TENM3: variants seen among roughly 807,000 people sequenced by gnomAD.
TENM3 encodes teneurin transmembrane protein 3.
TENM3 carries 63 observed loss-of-function variants against 255.1 expected under a neutral mutation model. That is an observed-to-expected ratio of 0.25 (90% CI 0.20 to 0.30). The LOEUF (loss-of-function observed/expected upper bound fraction) is 0.30. Ranked by LOEUF, TENM3 falls within the 10% of genes least tolerant of loss-of-function variation. TENM3 has a pLI of 1.00. For missense variants in TENM3, 2,929 were observed against 3,461.1 expected (o/e 0.85, Z 3.86); for synonymous variants, 1,306 against 1,322.3 (o/e 0.99, Z 0.27).
chr4:181,947,573 T>G, the TENM3 span, among the ~76,000 whole-genome samples: 1 of 152,210 alleles, frequency 6.6e-6, no homozygotes, highest in Non-Finnish European at 1.5e-5. Context: ...TCTTTATGTA[T>G]TAAACGTCTC....
chr4:181,497,231 T>C, the TENM3 span, among the ~76,000 whole-genome samples: 1 of 152,132 alleles, frequency 6.6e-6, no homozygotes, highest in African/African-American at 2.4e-5. Flanking sequence ...ATATGTTCAT[T>C]GTTACTCAAT....
chr4:182,768,781 TA>T (rs1008192702), intron 22 of TENM3, among the ~76,000 whole-genome samples: 2 of 152,060 alleles, frequency 1.3e-5, no homozygotes, highest in Non-Finnish European at 1.5e-5. Context: ...AACAAACAGA[TA>T]AACATCAAAT....
chr4:182,628,867 A>G lies in TENM3; in HGVS notation c.966A>G (p.Ala322=). Residue 322 remains alanine, a synonymous_variant, in exon 5 of 28, where the codon GCA becomes GCG. Coordinates refer to ENST00000511685, the MANE Select transcript of TENM3 (RefSeq NM_001080477.4). ...CCGTAGGGGTCTCGGTGCTCCTGGC[A>G]ATACTCCTGTCTTATTTTATAGGTA... ...LCAVGVSVLL[A]ILLSYFIAMH... The G allele has an allele frequency of 6.2e-7, 1 of 1,601,890 alleles. No individual in the cohort carries two copies. Among genetic ancestry groups the G allele is most frequent in the Non-Finnish European group, 8.5e-7 (1 of 1,172,930 alleles).
chr4:182,302,723 C>T (rs1277637137), intron 1 of TENM3, among the ~76,000 whole-genome samples: 1 of 152,172 alleles, frequency 6.6e-6, no homozygotes, highest in Non-Finnish European at 1.5e-5. Flanking sequence ...GCTTTCTTAA[C>T]ATTCAGAATG....
In TENM3 at chr4:182,600,914, T is replaced by C. The variant is rs1285158961; in HGVS notation, c.512-10T>C. The C allele has an allele frequency of 7.3e-7, 1 of 1,362,998 alleles. No individual in the cohort carries two copies. The highest frequency in any genetic ancestry group is 1.5e-5 in the African/African-American group (1 of 66,734). The allele number at this position is 1,362,998 out of a possible 1,614,324, so 84.4% of individuals were successfully genotyped here. A position where few individuals can be genotyped will look rare whatever the true frequency, so the allele number is the denominator to read the frequency against. On this transcript the variant is annotated splice_polypyrimidine_tract_variant and intron_variant, in intron 3 of 27. Transcript: ENST00000511685. ...TTCTCTTTCTTTTTTTTTTTTTTTT[T>C]TTTTTTCAGAGCAACCTGCAAGCAA...
intron 1 of TENM3, among the ~76,000 whole-genome samples, chr4:182,219,782 C>G (rs532883192): frequency 3.4e-4 from 52 of 152,302 alleles, no homozygotes; most frequent in African/African-American, 1.2e-3. Flanking sequence ...ACATTGCAAA[C>G]TCATGCAAAT....
At chr4:181,824,435 G>C in the TENM3 span, among the ~76,000 whole-genome samples, 1 of 152,014 alleles carries the variant, frequency 6.6e-6, no homozygotes, top group African/African-American at 2.4e-5. Flanking sequence ...AAGTATGCTG[G>C]TCCAATATGC....
chr4:182,741,718 C>A (rs962662494), intron 18 of TENM3, among the ~76,000 whole-genome samples: 7 of 152,140 alleles, frequency 4.6e-5, no homozygotes, highest in Non-Finnish European at 8.8e-5. Flanking sequence ...TATGATCCAG[C>A]CTTATTTAGC....
the TENM3 span, among the ~76,000 whole-genome samples, chr4:181,981,036 C>T: frequency 6.6e-6 from 1 of 152,098 alleles, no homozygotes; most frequent in Non-Finnish European, 1.5e-5. Context: ...GTCCAGGACT[C>T]CAACACCCCC....
chr4:181,561,354 T>A, the TENM3 span, among the ~76,000 whole-genome samples: 1 of 150,428 alleles, frequency 6.6e-6, no homozygotes, highest in South Asian at 2.1e-4. Flanking sequence ...AAAACTTTCT[T>A]GAGTATGAAA....
At chr4:182,542,484 C>T (rs1740980413) in intron 3 of TENM3, among the ~76,000 whole-genome samples, 1 of 152,288 alleles carries the variant, frequency 6.6e-6, no homozygotes, top group Middle Eastern at 3.4e-3. Flanking sequence ...TTTCTTTCTC[C>T]ACCTAGAGCC....
At chr4:181,528,945 T>C in the TENM3 span, among the ~76,000 whole-genome samples, 1 of 152,232 alleles carries the variant, frequency 6.6e-6, no homozygotes, top group African/African-American at 2.4e-5. Context: ...ATAGTTGATA[T>C]AAATATATGT....
the TENM3 span, among the ~76,000 whole-genome samples, chr4:181,620,818 T>C: frequency 7.9e-5 from 12 of 152,316 alleles, no homozygotes; most frequent in East Asian, 2.3e-3. Flanking sequence ...GTGATTTCTG[T>C]AAATGTGAAC....
the TENM3 span, among the ~76,000 whole-genome samples, chr4:181,767,366 T>C: frequency 1.3e-5 from 2 of 151,896 alleles, no homozygotes; most frequent in Non-Finnish European, 2.9e-5. Context: ...AGAAATAATT[T>C]AGTAATAACA....
chr4:182,090,415 A>G, the TENM3 span, among the ~76,000 whole-genome samples: 717 of 152,302 alleles, frequency 4.7e-3, 4 homozygotes, highest in Non-Finnish European at 7.6e-3. Context: ...TTTAAAATCA[A>G]TTAGCAGCCC....
At chr4:181,458,884 G>C in the TENM3 span, among the ~76,000 whole-genome samples, 1 of 151,940 alleles carries the variant, frequency 6.6e-6, no homozygotes, top group Non-Finnish European at 1.5e-5. Context: ...TGTTGGTGCA[G>C]ACATGTATTT....
At chr4:182,544,754 C>T (rs1281747713) in intron 3 of TENM3, among the ~76,000 whole-genome samples, 1 of 152,180 alleles carries the variant, frequency 6.6e-6, no homozygotes, top group African/African-American at 2.4e-5. Flanking sequence ...AGGAGAGAAC[C>T]TATGCGTTGG....
the TENM3 span, among the ~76,000 whole-genome samples, chr4:181,509,124 T>C: frequency 1.8e-4 from 27 of 152,016 alleles, no homozygotes; most frequent in Non-Finnish European, 3.4e-4. Context: ...ACGTGGAACA[T>C]GGCACTTTCA....
At chr4:182,644,440 C>T (rs1395724615) in intron 5 of TENM3, among the ~76,000 whole-genome samples, 2 of 152,118 alleles carry the variant, frequency 1.3e-5, no homozygotes, top group Non-Finnish European at 1.5e-5. Flanking sequence ...CACATGCTGG[C>T]TTTTAAGTGT....
Sources: allele counts gnomAD v4.1 joint callset (sites outside exome capture counted in the v4.1 genomes callset), GRCh38; gene constraint gnomAD v4.1.1; transcripts MANE v1.5; gene names NCBI Gene and HGNC (gene_info 2026-07-23, HGNC 2026-07-21).